The following ACP3 variants were observed in gnomAD, a reference collection of about 807,000 sequenced individuals.
ACP3 encodes the protein prostatic acid phosphatase.
Under a neutral mutation model 45.6 loss-of-function variants are expected in ACP3, and 38 were observed. That is an observed-to-expected ratio of 0.83 (90% CI 0.64 to 1.09). The LOEUF (loss-of-function observed/expected upper bound fraction) is 1.09. Among genes scored for constraint, ACP3 ranks in the 50% least tolerant of loss-of-function variants. ACP3 has a pLI of 0.00. For synonymous variants in ACP3, 162 were observed against 164.7 expected (o/e 0.98, Z 0.13); for missense variants, 466 against 463.2 (o/e 1.01, Z -0.05).
chr3:132,328,193 A>T, intron 1 of ACP3, 74 bp from the exon 2 acceptor site: 1 of 1,223,580 alleles, frequency 8.2e-7, no homozygotes. Context: ...TAGAAAAAAA[A>T]AAACTATTAT....
Position 132,357,126 on chromosome 3 carries a change from A to C in ACP3, c.*248A>C. 2 of 1,204,418 alleles carry C rather than the reference A, an allele frequency of 1.7e-6. No individual in the cohort carries two copies. The highest frequency in any genetic ancestry group is 2.1e-6 in the Non-Finnish European group (2 of 964,492). 74.6% of individuals were successfully genotyped at this position (1,204,418 alleles called of 1,614,324 possible). On this transcript the variant is annotated 3_prime_UTR_variant, in exon 10 of 10. Transcript: ENST00000336375. ...TAATGTAAAGGGGCAGCAGTGCCAAAATATAATCAGAGATAAAGCTTAGGT... is the reference window on the plus strand; with the variant it reads ...TAATGTAAAGGGGCAGCAGTGCCAACATATAATCAGAGATAAAGCTTAGGT...
rs558313878 is a variant in ACP3, at chr3:132,332,180, T to C, written c.304-12T>C. 166 of 1,614,112 alleles carry C rather than the reference T, an allele frequency of 1.0e-4. 2 individuals carry two copies. The South Asian group carries it at 1.7e-3, about 17-fold the overall frequency. ...CTTTACGTTCGCTTCTGCTTTGATT[T>C]TCCTACTCTAGGTTTATATTCGAAG... On this transcript the variant is annotated splice_polypyrimidine_tract_variant and intron_variant, in intron 3 of 9. Transcript: ENST00000336375.
intron 6 of ACP3, among the ~76,000 whole-genome samples, chr3:132,343,277 C>T (rs1361866938): frequency 6.6e-6 from 1 of 152,134 alleles, no homozygotes; most frequent in Admixed American, 6.5e-5. Flanking sequence ...TCTGACCACC[C>T]ACCTAATTCA....
chr3:132,356,293 G>GA (rs1199887695), intron 9 of ACP3, among the ~76,000 whole-genome samples: 2 of 151,852 alleles, frequency 1.3e-5, no homozygotes, highest in African/African-American at 4.8e-5. Flanking sequence ...AACAGAAAAA[G>GA]AAAAAAAGGA....
intron 10 of ACP3, among the ~76,000 whole-genome samples, chr3:132,367,534 C>A (rs966055244): frequency 1.3e-5 from 2 of 152,230 alleles, no homozygotes; most frequent in Non-Finnish European, 2.9e-5. Flanking sequence ...AGGTCATCTC[C>A]TGACTCCTAG....
intron 1 of ACP3, among the ~76,000 whole-genome samples, chr3:132,320,930 C>T (rs149812918): frequency 0.014 from 2,116 of 152,222 alleles, 54 homozygotes; most frequent in African/African-American, 0.046. Flanking sequence ...AGATTACAGG[C>T]GTGAGCCACT....
At chr3:132,355,293 T>C (rs1016499474) in intron 9 of ACP3, among the ~76,000 whole-genome samples, 1 of 152,186 alleles carries the variant, frequency 6.6e-6, no homozygotes, top group Non-Finnish European at 1.5e-5. Context: ...GGCAATGTGG[T>C]CACTTCTGAG....
chr3:132,349,442 G>A (rs563572816), intron 7 of ACP3, among the ~76,000 whole-genome samples: 6 of 152,188 alleles, frequency 3.9e-5, no homozygotes, highest in Non-Finnish European at 7.3e-5. Context: ...AGGTCTGACT[G>A]CCAGAGAGTA....
chr3:132,346,641 G>A (rs1206278863), intron 7 of ACP3, among the ~76,000 whole-genome samples: 1 of 152,208 alleles, frequency 6.6e-6, no homozygotes, highest in Admixed American at 6.5e-5. Context: ...AACAACAAAA[G>A]ATGTAGAGGG....
At position 132,357,750 on chromosome 3, in the gene ACP3, A is replaced by G; in HGVS notation, c.*872A>G. ...GAGATGTTGACTCTAAAGTTGATTT[A>G]AGGCCAGGCATGGTGGTTTACGCCT... On this transcript the variant is annotated 3_prime_UTR_variant, in exon 10 of 10. Coordinates refer to ENST00000336375, the MANE Select transcript of ACP3 (RefSeq NM_001099.5). 1 of 985,348 alleles carries G rather than the reference A, an allele frequency of 1.0e-6. No homozygotes were observed. Among genetic ancestry groups the G allele is most frequent in the South Asian group, 4.7e-5 (1 of 21,282 alleles). 61.0% of individuals were successfully genotyped at this position (985,348 alleles called of 1,614,324 possible). A position where few individuals can be genotyped will look rare whatever the true frequency, so the allele number is the denominator to read the frequency against.
Position 132,357,889 on chromosome 3 carries a change from G to C in ACP3, c.*1011G>C, listed in dbSNP as rs1937945824. On this transcript the variant is annotated 3_prime_UTR_variant, in exon 10 of 10. Transcript: ENST00000336375. The stretch of plus-strand genomic sequence containing the variant: ...TCTCTACATAAAATACAAAAACTTA[G>C]ATGGGCATGGTGGTGTGTGCCTATA... The C allele has an allele frequency of 3.7e-6, 1 of 272,400 alleles. No individual in the cohort carries two copies. The highest frequency in any genetic ancestry group is 5.6e-6 in the Non-Finnish European group (1 of 178,332). The allele number at this position is 272,400 out of a possible 1,614,324, so 16.9% of individuals were successfully genotyped here.
chr3:132,359,278 C>T (rs1013013798), downstream of ACP3, among the ~76,000 whole-genome samples: 4 of 152,048 alleles, frequency 2.6e-5, no homozygotes, highest in African/African-American at 9.7e-5. Flanking sequence ...TTTGGGAGGC[C>T]AAGGTGGGCG....
At chr3:132,320,021 A>T (rs1264275041) in intron 1 of ACP3, among the ~76,000 whole-genome samples, 2 of 142,426 alleles carry the variant, frequency 1.4e-5, no homozygotes, top group African/African-American at 4.8e-5. Context: ...CTAGTTTGAC[A>T]AGTTGTTAAC....
At chr3:132,332,604 G>A (rs771326597) in intron 4 of ACP3, 25 of 422,176 alleles carry the variant, frequency 5.9e-5, no homozygotes, top group East Asian at 8.7e-5. Flanking sequence ...CCCCCTCATC[G>A]TCATACACAG....
chr3:132,356,751 C>T lies in ACP3; in HGVS notation c.1034C>T (p.Pro345Leu), dbSNP rs142891447. The T allele has an allele frequency of 6.2e-7, 1 of 1,614,162 alleles. No homozygotes were observed. The highest frequency in any genetic ancestry group is 1.3e-5 in the African/African-American group (1 of 75,036). ...CACGAGCCGTATCCCCTCATGCTAC[C>T]TGGCTGCAGCCCCAGCTGTCCTCTG... The part of the protein sequence containing the change: ...TQHEPYPLML[P>L]GCSPSCPLER... Residue 345 changes from proline (P) to leucine (L), a missense_variant, in exon 10 of 10, where the codon CCT (proline) becomes CTT (leucine). By Grantham distance (98) the Pro-to-Leu change is moderately conservative (BLOSUM62 -3). Transcript: ENST00000336375.
intron 5 of ACP3, among the ~76,000 whole-genome samples, chr3:132,341,173 A>C (rs1937548831): frequency 6.6e-6 from 1 of 152,074 alleles, no homozygotes; most frequent in South Asian, 2.1e-4. Flanking sequence ...TTACAGTATA[A>C]TGTTATGGGC....
chr3:132,320,791 C>T (rs1157810400), intron 1 of ACP3, among the ~76,000 whole-genome samples: 1 of 151,868 alleles, frequency 6.6e-6, no homozygotes, highest in African/African-American at 2.4e-5. Flanking sequence ...GCTGGGATTA[C>T]AGGCGTGTGC....
rs1937932695 is a variant in ACP3 at position 132,357,362 on chromosome 3, C to T, written c.*484C>T. 4 of 985,482 alleles carry T rather than the reference C, an allele frequency of 4.1e-6. No individual in the cohort carries two copies. The highest frequency in any genetic ancestry group is 4.8e-6 in the Non-Finnish European group (4 of 830,034). The allele number at this position is 985,482 out of a possible 1,614,324, so 61.0% of individuals were successfully genotyped here. On this transcript the variant is annotated 3_prime_UTR_variant, in exon 10 of 10. Coordinates refer to ENST00000336375, the MANE Select transcript of ACP3 (RefSeq NM_001099.5). ...CTGATGGGCAAAAAACCAATTTACC[C>T]ATCAGTTCCAGCCTTCTCTCAAGGA...
At chr3:132,328,515 C>T (rs1172901412) in intron 2 of ACP3, among the ~76,000 whole-genome samples, 153 bp downstream of exon 2, 8 of 152,034 alleles carry the variant, frequency 5.3e-5, no homozygotes, top group Non-Finnish European at 8.8e-5. Context: ...CCTCTCTCTA[C>T]TAAAAATACA....
Sources: allele counts gnomAD v4.1 joint callset (sites outside exome capture counted in the v4.1 genomes callset), GRCh38; gene constraint gnomAD v4.1.1; transcripts MANE v1.5; gene names NCBI Gene and HGNC (gene_info 2026-07-23, HGNC 2026-07-21).